Variants in RECK observed in about 807,000 individuals in gnomAD.
RECK encodes the protein reversion inducing cysteine rich protein with kazal motifs.
A neutral mutation model predicts 115.1 loss-of-function variants in RECK; 69 were observed. The ratio of observed to expected loss-of-function variants is 0.60; its 90% CI spans 0.49 to 0.73. The LOEUF (loss-of-function observed/expected upper bound fraction) is 0.73. RECK is among the 30% of genes least tolerant of loss of function. The pLI is 0.00. For missense variants in RECK, 1,047 were observed against 1,203.7 expected (o/e 0.87, Z 1.93); for synonymous variants, 414 against 419.7 (o/e 0.99, Z 0.17).
chr9:36,066,692 C>T, intron 6 of RECK: 1 of 699,832 alleles, frequency 1.4e-6, no homozygotes, highest in Middle Eastern at 3.0e-4. Flanking sequence ...GTTTTAGTTT[C>T]TCTTGAACAA....
intron 6 of RECK, among the ~76,000 whole-genome samples, chr9:36,076,659 G>A (rs778527130): frequency 6.6e-6 from 1 of 152,110 alleles, no homozygotes; most frequent in Non-Finnish European, 1.5e-5. Context: ...CGCGAGAGTA[G>A]GGCAGGGAAC....
At chr9:36,083,341 T>G (rs750626774) in intron 7 of RECK, 24 bp from the exon 8 acceptor site, 2 of 1,609,774 alleles carry the variant, frequency 1.2e-6, no homozygotes, top group East Asian at 4.5e-5. Context: ...TCCATGTCAG[T>G]GCCTTCTCTT....
At chr9:36,052,675 C>T (rs748008760) in intron 2 of RECK, among the ~76,000 whole-genome samples, 1 of 152,066 alleles carries the variant, frequency 6.6e-6, no homozygotes, top group Admixed American at 6.6e-5. Flanking sequence ...AAGAAGTAGT[C>T]GGGCAAACCC....
chr9:36,113,285 A>G (rs1824133462), intron 16 of RECK, among the ~76,000 whole-genome samples: 1 of 152,190 alleles, frequency 6.6e-6, no homozygotes, highest in South Asian at 2.1e-4. Flanking sequence ...TTCCTAAGCA[A>G]TTGCTGCTTC....
At chr9:36,112,165 A>C (rs1041202167) in intron 15 of RECK, 140 bp from the exon 16 acceptor site, 2 of 577,574 alleles carry the variant, frequency 3.5e-6, no homozygotes, top group Non-Finnish European at 5.7e-6. Flanking sequence ...GATCGGAGAG[A>C]AGGTTTTTCC....
At chr9:36,063,919 G>A (rs1289975169) in intron 5 of RECK, 39 bp downstream of exon 5, 3 of 1,595,604 alleles carry the variant, frequency 1.9e-6, no homozygotes, top group Non-Finnish European at 2.6e-6. Flanking sequence ...ATCATGGAGT[G>A]CAGTTTGGTT....
chr9:36,065,594 T>C lies in RECK; in HGVS notation c.375T>C (p.Asp125=), dbSNP rs1256691961. 6.3e-7 allele frequency: 1 copy of C among 1,588,254 alleles called. No individual in the cohort carries two copies. ...QACKQASSKN[D]ISKVCRKEYE... ...GTTTTTAGGCATCTTCAAAGAATGA[T>C]ATTTCCAAAGTTTGCAGAAAAGAAT... Residue 125 remains aspartate (D), a synonymous_variant, in exon 6 of 21, where the codon GAT becomes GAC. Transcript: ENST00000377966.
At chr9:36,055,535 G>T (rs145580858) in intron 2 of RECK, among the ~76,000 whole-genome samples, 115 of 152,052 alleles carry the variant, frequency 7.6e-4, no homozygotes, top group Admixed American at 1.4e-3. Context: ...CCTTGAAAAA[G>T]GTATTGTCAT....
At chr9:36,068,479 G>A (rs1822099469) in intron 6 of RECK, among the ~76,000 whole-genome samples, 1 of 152,142 alleles carries the variant, frequency 6.6e-6, no homozygotes, top group Non-Finnish European at 1.5e-5. Context: ...CAGTCCTCCA[G>A]GTGAAAATAA....
At chr9:36,064,006 A>G in intron 5 of RECK, 126 bp downstream of exon 5, 1 of 765,052 alleles carries the variant, frequency 1.3e-6, no homozygotes. Flanking sequence ...CAAATTTAGC[A>G]TTTTTTGTAT....
chr9:36,063,909 A>C (rs187702091), intron 5 of RECK, 29 bp downstream of exon 5: 12 of 1,599,848 alleles, frequency 7.5e-6, no homozygotes, highest in Non-Finnish European at 1.0e-5. Flanking sequence ...GCTCTCAAAC[A>C]TCATGGAGTG....
chr9:36,078,599 C>CA (rs1822551752), intron 6 of RECK, among the ~76,000 whole-genome samples: 1 of 152,106 alleles, frequency 6.6e-6, no homozygotes, highest in South Asian at 2.1e-4. Flanking sequence ...CCAAATGTAC[C>CA]ATGGGAAGCA....
intron 3 of RECK, among the ~76,000 whole-genome samples, chr9:36,059,479 G>T: frequency 6.6e-6 from 1 of 151,558 alleles, no homozygotes. Context: ...AAATTATCTG[G>T]AACTTAGAAT....
At position 36,088,056 on chromosome 9, in the gene RECK, G is replaced by T. The variant is rs926452944; in HGVS notation, c.905+95G>T. 7.9e-5 allele frequency: 70 copies of T among 885,700 alleles called. 1 individual carries two copies. The South Asian group carries it at 1.1e-3, about 14-fold the overall frequency. The allele number at this position is 885,700 out of a possible 1,614,324, so 54.9% of individuals were successfully genotyped here. ...CAAACGTGTGTTATATTCTTACGTG[G>T]TATAGGTTTAGCATTTAGAAAATAT... On this transcript the variant is annotated intron_variant, in intron 9 of 20. Coordinates refer to ENST00000377966, the MANE Select transcript of RECK (RefSeq NM_021111.3).
chr9:36,054,499 T>TAAAAAA (rs56001338), intron 2 of RECK, among the ~76,000 whole-genome samples: 2 of 127,188 alleles, frequency 1.6e-5, no homozygotes, highest in Non-Finnish European at 1.6e-5. Context: ...GCCCTTAGTT[T>TAAAAAA]AAAAAAAAAA....
rs139667668 is a variant in RECK at position 36,114,250 on chromosome 9, A to C, written c.2060+1774A>C. ...AGACTGGGAGATATAATTTATATAC[A>C]TACCCAGGAAGAAAGTGAAGTGAAT... On this transcript the variant is annotated intron_variant, in intron 16 of 20. Coordinates refer to ENST00000377966, the MANE Select transcript of RECK (RefSeq NM_021111.3). Among the ~76,000 whole-genome samples, 46 of 152,374 alleles carry C rather than the reference A, an allele frequency of 3.0e-4. No individual in the cohort carries two copies. In the East Asian group the frequency reaches 8.7e-3, roughly 29 times the overall value.
chr9:36,100,955 CT>C (rs1227286690), intron 11 of RECK, among the ~76,000 whole-genome samples: 1 of 151,206 alleles, frequency 6.6e-6, no homozygotes, highest in African/African-American at 2.4e-5. Context: ...TCTTCTTCTT[CT>C]TTTTTTGTTT....
At chr9:36,112,974 C>T (rs1194885343) in intron 16 of RECK, among the ~76,000 whole-genome samples, 1 of 152,130 alleles carries the variant, frequency 6.6e-6, no homozygotes, top group African/African-American at 2.4e-5. Context: ...GTAGCTGTCA[C>T]CTGATAGTCA....
chr9:36,119,034 T>A, intron 18 of RECK, 67 bp downstream of exon 18: 16 of 1,438,666 alleles, frequency 1.1e-5, no homozygotes, highest in Non-Finnish European at 1.5e-5. Flanking sequence ...CTCCAGAGAG[T>A]GAGTCATTGA....
Sources: gnomAD v4.1 joint callset for allele counts (sites outside exome capture counted in the v4.1 genomes callset) on GRCh38, gnomAD v4.1.1 for gene constraint, MANE v1.5 for transcripts, NCBI Gene and HGNC (gene_info 2026-07-23, HGNC 2026-07-21) for gene names.